Variants in CLPSL1 observed in about 807,000 individuals in gnomAD.
CLPSL1 encodes colipase like 1, also known as colipase-like protein 1.
In CLPSL1, 13 loss-of-function variants were observed where a neutral mutation model predicts 9.3. The ratio of observed to expected loss-of-function variants is 1.40; its 90% confidence interval spans 0.91 to 2.22. CLPSL1 has a LOEUF of 2.22. Ranked by LOEUF, CLPSL1 falls within the 30% of genes most tolerant of loss-of-function variation. The pLI is 0.00. For missense variants in CLPSL1, 164 were observed against 146.6 expected (o/e 1.12, Z -0.61); for synonymous variants, 58 against 56.9 (o/e 1.02, Z -0.08).
chr6:35,790,818 A>C (rs1391485724), downstream of CLPSL1, among the ~76,000 whole-genome samples: 1 of 152,250 alleles, frequency 6.6e-6, no homozygotes, highest in Non-Finnish European at 1.5e-5. Context: ...CAGACAAAGG[A>C]GTTCAGAAAA....
chr6:35,790,111 G>T (rs1361035898), downstream of CLPSL1, among the ~76,000 whole-genome samples: 1 of 152,140 alleles, frequency 6.6e-6, no homozygotes, highest in Non-Finnish European at 1.5e-5. Flanking sequence ...GATTTTTGTA[G>T]AGATGGGGAG....
chr6:35,792,604 A>G (rs1388386926), downstream of CLPSL1, among the ~76,000 whole-genome samples: 1 of 152,282 alleles, frequency 6.6e-6, no homozygotes, highest in Admixed American at 6.5e-5. Context: ...CTACAGGAGC[A>G]CTGGCCGTTG....
chr6:35,781,591 A>C (rs1767968368), intron 1 of CLPSL1, among the ~76,000 whole-genome samples: 1 of 152,056 alleles, frequency 6.6e-6, no homozygotes, highest in African/African-American at 2.4e-5. Flanking sequence ...TAGAGCTGTC[A>C]CTCTAGTGTG....
At chr6:35,788,305 C>G (rs9462110), downstream of CLPSL1, among the ~76,000 whole-genome samples, 17,850 of 150,998 alleles carry the variant, frequency 0.12, 1,055 homozygotes, top group East Asian at 0.29. Context: ...TGAAAGTCCC[C>G]CAGAAGAGAC....
intron 1 of CLPSL1, among the ~76,000 whole-genome samples, chr6:35,783,514 A>T (rs1768007528): frequency 1.3e-5 from 2 of 151,898 alleles, no homozygotes; most frequent in African/African-American, 4.8e-5. Flanking sequence ...TGTCTCAAAA[A>T]AAAAAAGGGG....
intron 1 of CLPSL1, among the ~76,000 whole-genome samples, chr6:35,784,678 T>C (rs547674724): frequency 1.3e-5 from 2 of 152,284 alleles, no homozygotes; most frequent in African/African-American, 4.8e-5. Context: ...GGTGGGAGGA[T>C]TGTCTGAGCC....
chr6:35,788,034 C>A lies in CLPSL1; in HGVS notation c.*24C>A. 1 of 1,572,972 alleles carries A rather than the reference C, an allele frequency of 6.4e-7. No homozygotes were observed. The highest frequency in any genetic ancestry group is 8.7e-7 in the Non-Finnish European group (1 of 1,143,636). On this transcript the variant is annotated 3_prime_UTR_variant, in exon 3 of 3. Transcript: ENST00000373861. ...AGTGCTCCCTCCTTCTTGCTGCCTC[C>A]TCCTCCTCCACCTGCTCTCCTCCCT...
At chr6:35,792,127 T>TAAATA (rs1768232696), downstream of CLPSL1, among the ~76,000 whole-genome samples, 2 of 128,222 alleles carry the variant, frequency 1.6e-5, no homozygotes, top group South Asian at 5.2e-4. Flanking sequence ...ATAAATAAAT[T>TAAATA]AGCCAGGCAT....
Position 35,781,165 on chromosome 6 carries a change from C to A in CLPSL1, c.55C>A (p.Leu19Ile). The A allele has an allele frequency of 1.9e-6, 3 of 1,614,062 alleles. No homozygotes were observed. In the South Asian group the frequency reaches 3.3e-5, roughly 18 times the overall value. Residue 19 changes from leucine to isoleucine, a missense_variant, in exon 1 of 3, where the codon CTC becomes ATC. By Grantham distance (5) the Leu-to-Ile change is conservative. Coordinates refer to ENST00000373861, the MANE Select transcript of CLPSL1 (RefSeq NM_001010886.5). ...GTTCCTTCTCTTCTTCTTTCTCTTCCTCCTCACCAGGGGCTCACTTTCTCC... is the reference window on the plus strand; with the variant it reads ...GTTCCTTCTCTTCTTCTTTCTCTTCATCCTCACCAGGGGCTCACTTTCTCC... ...LLFLLFFFLF[L>I]LTRGSLSPTK...
At chr6:35,785,659 C>G (rs1244141254) in intron 1 of CLPSL1, among the ~76,000 whole-genome samples, 1 of 152,186 alleles carries the variant, frequency 6.6e-6, no homozygotes, top group Non-Finnish European at 1.5e-5. Context: ...TGGAGCCTAA[C>G]TGCCAAATTA....
chr6:35,787,266 C>G, intron 2 of CLPSL1, 146 bp downstream of exon 2: 1 of 1,029,426 alleles, frequency 9.7e-7, no homozygotes, highest in East Asian at 2.6e-5. Context: ...CACCTCCAAG[C>G]CTTCTGGGGG....
chr6:35,783,981 A>G (rs1427981549), intron 1 of CLPSL1, among the ~76,000 whole-genome samples: 2 of 152,090 alleles, frequency 1.3e-5, no homozygotes, highest in South Asian at 4.1e-4. Flanking sequence ...GTCAATTTAG[A>G]AAGTTTATTT....
At chr6:35,786,298 C>T (rs1039106672) in intron 1 of CLPSL1, among the ~76,000 whole-genome samples, 5 of 152,188 alleles carry the variant, frequency 3.3e-5, no homozygotes, top group Non-Finnish European at 7.3e-5. Context: ...CTCAGTTGCA[C>T]TACCACATTT....
At chr6:35,787,728 G>C in intron 2 of CLPSL1, 139 bp from the exon 3 acceptor site, 1 of 817,142 alleles carries the variant, frequency 1.2e-6, no homozygotes, top group Non-Finnish European at 2.0e-6. Context: ...GTGCCACTCT[G>C]AGCAGCTGGC....
chr6:35,783,520 AG>A (rs974401964), intron 1 of CLPSL1, among the ~76,000 whole-genome samples: 59 of 150,974 alleles, frequency 3.9e-4, no homozygotes, highest in African/African-American at 1.4e-3. Flanking sequence ...AAAAAAAAAA[AG>A]GGGGGCTGGG....
downstream of CLPSL1, chr6:35,788,289 C>A: frequency 2.2e-6 from 1 of 446,618 alleles, no homozygotes; most frequent in Non-Finnish European, 4.1e-6. Flanking sequence ...CCAGTTGGGG[C>A]ATGAATGAAA....
chr6:35,787,136 C>G lies in CLPSL1; in HGVS notation c.222+16C>G, dbSNP rs1561941362. 1.1e-5 allele frequency: 17 copies of G among 1,610,522 alleles called. No homozygotes were observed. The Middle Eastern group carries it at 5.0e-4, about 47-fold the overall frequency. ...TCAAACGCAGGTGGGTATCGCCGCCCGGGGGGAGCCAGAGGGGATCCAGGG... is the reference window on the plus strand; with the variant it reads ...TCAAACGCAGGTGGGTATCGCCGCCGGGGGGGAGCCAGAGGGGATCCAGGG... On this transcript the variant is annotated intron_variant, in intron 2 of 2. Transcript: ENST00000373861.
At chr6:35,793,225 A>T (rs1337792147) in intron 1 of CLPSL1, among the ~76,000 whole-genome samples, 1 of 152,246 alleles carries the variant, frequency 6.6e-6, no homozygotes, top group African/African-American at 2.4e-5. Context: ...GGAATTCAAG[A>T]TCAGCCTGGC....
At chr6:35,786,947 A>G (rs1322313609) in intron 1 of CLPSL1, 51 bp from the exon 2 acceptor site, 3 of 1,544,846 alleles carry the variant, frequency 1.9e-6, no homozygotes, top group Non-Finnish European at 2.6e-6. Flanking sequence ...CGGGGCGGCG[A>G]GGGCGGAAGG....
Sources: gnomAD v4.1 joint callset for allele counts (sites outside exome capture counted in the v4.1 genomes callset) on GRCh38, gnomAD v4.1.1 for gene constraint, MANE v1.5 for transcripts, NCBI Gene and HGNC (gene_info 2026-07-23, HGNC 2026-07-21) for gene names.